The following ENOSF1 variants were observed in gnomAD, a reference collection of about 807,000 sequenced individuals.
The protein encoded by ENOSF1 is enolase superfamily member 1.
A neutral mutation model predicts 68.2 loss-of-function variants in ENOSF1; 73 were observed. The ratio of observed to expected loss-of-function variants is 1.07; its 90% CI spans 0.89 to 1.30. ENOSF1 has a LOEUF of 1.30. ENOSF1 is among the 50% of genes most tolerant of loss of function. ENOSF1 has a pLI of 0.00. For synonymous variants in ENOSF1, 223 were observed against 210.4 expected, an observed-to-expected ratio of 1.06 and a Z score of -0.52; for missense variants, 589 against 554.5, an observed-to-expected ratio of 1.06 and a Z score of -0.62.
chr18:705,886 G>A (rs1193811759), intron 2 of ENOSF1, among the ~76,000 whole-genome samples: 6 of 152,018 alleles, frequency 3.9e-5, no homozygotes, highest in African/African-American at 1.4e-4. Flanking sequence ...GTGGGAGCCT[G>A]TAATCCTAGC....
At chr18:697,461 T>A in intron 2 of ENOSF1, 106 bp from the exon 3 acceptor site, 1 of 948,020 alleles carries the variant, frequency 1.1e-6, no homozygotes, top group Non-Finnish European at 1.6e-6. Context: ...ATGAAAAAAT[T>A]AAATCTAGGC....
chr18:697,218 T>TAAG, intron 3 of ENOSF1, 22 bp downstream of exon 3: 2 of 1,551,024 alleles, frequency 1.3e-6, no homozygotes, highest in Non-Finnish European at 1.8e-6. Context: ...TATGTAAGCA[T>TAAG]TTTACAAAAT....
At chr18:666,915 T>TGATGGA (rs200659471), downstream of ENOSF1, among the ~76,000 whole-genome samples, 1 of 59,500 alleles carries the variant, frequency 1.7e-5, no homozygotes, top group Admixed American at 2.3e-4. Flanking sequence ...ATGGTGATGG[T>TGATGGA]GATGGAGATG....
Position 692,889 on chromosome 18 carries a change from A to G in ENOSF1, c.423+993T>C, listed in dbSNP as rs142833878. On this transcript the variant is annotated intron_variant, in intron 5 of 15. Transcript: ENST00000647584. ...TGTCTTCACTTTCCTCCGGAGGAGG[A>G]GCAGTCTCCTGCCCAACACTCTTCA... is the stretch of plus-strand genomic sequence containing the variant. 1.1e-5 allele frequency: 12 copies of G among 1,109,642 alleles called. No homozygotes were observed. In the East Asian group the frequency reaches 6.3e-4, roughly 58 times the overall value. The allele number at this position is 1,109,642 out of a possible 1,614,324, so 68.7% of individuals were successfully genotyped here. A position where few individuals can be genotyped will look rare whatever the true frequency, so the allele number is the denominator to read the frequency against.
At chr18:698,356 T>C (rs971972514) in intron 2 of ENOSF1, among the ~76,000 whole-genome samples, 1 of 152,230 alleles carries the variant, frequency 6.6e-6, no homozygotes, top group Admixed American at 6.5e-5. Flanking sequence ...CTTCATAGAA[T>C]TTTTAAAAGG....
At chr18:701,483 G>A (rs1050674681) in intron 2 of ENOSF1, among the ~76,000 whole-genome samples, 1 of 152,040 alleles carries the variant, frequency 6.6e-6, no homozygotes, top group East Asian at 1.9e-4. Context: ...GGCTGGCCAC[G>A]GTGGCTCACG....
At chr18:705,835 CCT>C (rs1342243640) in intron 2 of ENOSF1, among the ~76,000 whole-genome samples, 2 of 151,868 alleles carry the variant, frequency 1.3e-5, no homozygotes, top group African/African-American at 4.8e-5. Context: ...ATGGTGAAAC[CCT>C]GTCTCTACTA....
chr18:694,170 T>C, intron 4 of ENOSF1, 78 bp downstream of exon 4: 6 of 1,420,706 alleles, frequency 4.2e-6, no homozygotes, highest in South Asian at 1.2e-5. Context: ...GCAGTGTGTC[T>C]GTCTTTCCTC....
Position 672,932 on chromosome 18 carries a change from G to A in ENOSF1, c.*1373C>T, listed in dbSNP as rs375413487. 3.8e-6 allele frequency: 6 copies of A among 1,597,708 alleles called. No individual in the cohort carries two copies. In the African/African-American group the frequency reaches 5.4e-5, roughly 14 times the overall value. On this transcript the variant is annotated 3_prime_UTR_variant, in exon 16 of 16. Transcript: ENST00000647584. ...AGTTGAGAAAATTGATGACTTCAAA[G>A]CTGAAGACTTTCAGATTGAAGGGTA... is the stretch of plus-strand genomic sequence containing the variant.
the ENOSF1 span, among the ~76,000 whole-genome samples, chr18:665,086 A>G: frequency 6.6e-6 from 1 of 151,992 alleles, no homozygotes; most frequent in Non-Finnish European, 1.5e-5. Flanking sequence ...TAGTTTCAGA[A>G]GGAATGGTAC....
the ENOSF1 span, among the ~76,000 whole-genome samples, chr18:663,899 A>G: frequency 9.1e-6 from 1 of 110,476 alleles, no homozygotes; most frequent in Non-Finnish European, 1.8e-5. Flanking sequence ...TACCAGTACC[A>G]TACTGTTTTG....
downstream of ENOSF1, chr18:667,881 C>T (rs1410596659): frequency 6.6e-6 from 1 of 151,582 alleles, no homozygotes; most frequent in African/African-American, 2.4e-5. Flanking sequence ...GCTTAAAAGG[C>T]CTAATAAAAT....
chr18:673,436 T>A lies in ENOSF1; in HGVS notation c.*869A>T. The A allele has an allele frequency of 5.1e-6, 1 of 195,822 alleles. No homozygotes were observed. The allele number at this position is 195,822 out of a possible 1,614,324, so 12.1% of individuals were successfully genotyped here. On this transcript the variant is annotated 3_prime_UTR_variant, in exon 16 of 16. Coordinates refer to ENST00000647584, the MANE Select transcript of ENOSF1 (RefSeq NM_017512.7). Reference sequence around the variant, plus strand: ...CATCGATCATGATGTAGAGTGTGGTTATGAACTTTAAAGTTATAGTTGTTT... The same window carrying A: ...CATCGATCATGATGTAGAGTGTGGTAATGAACTTTAAAGTTATAGTTGTTT...
chr18:693,032 TCA>T, intron 5 of ENOSF1: 1 of 1,260,598 alleles, frequency 7.9e-7, no homozygotes, highest in Non-Finnish European at 1.0e-6. Context: ...CCACCGCAGC[TCA>T]GAGTGGGGAA....
intron 5 of ENOSF1, chr18:691,561 G>GA (rs2077178093): frequency 3.5e-6 from 1 of 283,072 alleles, no homozygotes; most frequent in Non-Finnish European, 6.6e-6. Context: ...TGACCAGGTT[G>GA]ATCTTGAGCT....
chr18:673,750 G>A lies in ENOSF1; in HGVS notation c.*555C>T, dbSNP rs2075198331. ...TTTTAAACTTTTATAACCTTAAAGG[G>A]TTATTTTAAAATAATCTATGGACTA... is the stretch of plus-strand genomic sequence containing the variant. On this transcript the variant is annotated 3_prime_UTR_variant, in exon 16 of 16. Transcript: ENST00000647584. 1 of 147,520 alleles carries A rather than the reference G, an allele frequency of 6.8e-6. No individual in the cohort carries two copies. The highest frequency in any genetic ancestry group is 1.5e-5 in the Non-Finnish European group (1 of 68,420). 9.1% of individuals were successfully genotyped at this position (147,520 alleles called of 1,614,324 possible).
intron 5 of ENOSF1, 75 bp from the exon 6 acceptor site, chr18:691,351 T>C: frequency 7.9e-7 from 1 of 1,270,418 alleles, no homozygotes; most frequent in Admixed American, 2.2e-5. Flanking sequence ...TAAAATTTAT[T>C]ATTCTTTTTT....
rs1177862972 is a variant in ENOSF1, at chr18:683,325, T to C, written c.797A>G (p.Lys266Arg). ...DVPEAVEWMSKLAKFKPLWIE... is the reference protein window; with the variant it reads ...DVPEAVEWMSRLAKFKPLWIE... ...CCACAATGGCTTGAACTTGGCCAGC[T>C]TGGACATCCACTCCACCGCCTCAGG... Residue 266 changes from lysine (K) to arginine (R), a missense_variant, in exon 11 of 16, where the codon AAG (lysine) becomes AGG (arginine). Transcript: ENST00000647584. The C allele has an allele frequency of 1.9e-6, 3 of 1,614,002 alleles. No homozygotes were observed. The highest frequency in any genetic ancestry group is 2.5e-6 in the Non-Finnish European group (3 of 1,180,046).
intron 1 of ENOSF1, 156 bp from the exon 2 acceptor site, chr18:706,734 G>C: frequency 1.8e-6 from 1 of 540,906 alleles, no homozygotes; most frequent in Non-Finnish European, 3.3e-6. Context: ...AGAAAACAAA[G>C]GGCTCTGAAT....
Sources: gnomAD v4.1 joint callset for allele counts (sites outside exome capture counted in the v4.1 genomes callset) on GRCh38, gnomAD v4.1.1 for gene constraint, MANE v1.5 for transcripts, NCBI Gene and HGNC (gene_info 2026-07-23, HGNC 2026-07-21) for gene names.